Variants in ANK2 observed in about 807,000 individuals in gnomAD.
ANK2 encodes the protein ankyrin 2.
Under a neutral mutation model 360.5 loss-of-function variants are expected in ANK2, and 83 were observed. That is an observed-to-expected ratio of 0.23 (90% CI 0.19 to 0.28). The LOEUF (loss-of-function observed/expected upper bound fraction) is 0.28, where lower values mean the gene tolerates loss of function less well. Among genes scored for constraint, ANK2 ranks in the 10% least tolerant of loss-of-function variants. The probability of loss-of-function intolerance (pLI) is 1.00; values close to 1 mark genes in which losing one functional copy is unlikely to be tolerated. For missense variants in ANK2, 4,201 were observed against 4,795.7 expected (o/e 0.88, Z 3.66); for synonymous variants, 1,740 against 1,759.5 (o/e 0.99, Z 0.28).
intron 4 of ANK2, among the ~76,000 whole-genome samples, chr4:113,220,051 C>G (rs1049029194): frequency 6.6e-6 from 1 of 152,070 alleles, no homozygotes; most frequent in Non-Finnish European, 1.5e-5. Context: ...TGTTTTTTTC[C>G]TCTTTGCTAT....
chr4:112,831,485 A>G (rs543881429), intron 1 of ANK2, among the ~76,000 whole-genome samples: 1 of 152,292 alleles, frequency 6.6e-6, no homozygotes, highest in South Asian at 2.1e-4. Flanking sequence ...TTGTAAACAC[A>G]CCAATCAGCA....
chr4:113,199,683 A>C (rs911776032), intron 4 of ANK2, among the ~76,000 whole-genome samples: 5 of 152,066 alleles, frequency 3.3e-5, no homozygotes, highest in African/African-American at 1.2e-4. Flanking sequence ...AGGGGAGAAA[A>C]TGTTGTTTTG....
chr4:112,884,391 C>G (rs1328657555), intron 1 of ANK2, among the ~76,000 whole-genome samples: 1 of 152,094 alleles, frequency 6.6e-6, no homozygotes, highest in Non-Finnish European at 1.5e-5. Context: ...CACCCATAGA[C>G]AATATGCAAA....
At chr4:113,107,702 T>G (rs1241363760) in intron 1 of ANK2, among the ~76,000 whole-genome samples, 1 of 152,178 alleles carries the variant, frequency 6.6e-6, no homozygotes, top group Non-Finnish European at 1.5e-5. Flanking sequence ...GCTTTTATAT[T>G]CATGTTTTGT....
chr4:113,191,536 G>C (rs752052663), intron 2 of ANK2, among the ~76,000 whole-genome samples: 1 of 152,104 alleles, frequency 6.6e-6, no homozygotes, highest in Non-Finnish European at 1.5e-5. Context: ...ACTTTTGCTA[G>C]CCTACGTAAA....
the ANK2 span, among the ~76,000 whole-genome samples, chr4:112,717,113 A>G: frequency 6.6e-5 from 10 of 152,228 alleles, no homozygotes; most frequent in African/African-American, 2.4e-4. Context: ...TTATCGTAAC[A>G]GTTTTCCTTT....
intron 4 of ANK2, chr4:113,213,955 A>T (rs1183089315): frequency 3.4e-5 from 17 of 496,460 alleles, no homozygotes; most frequent in African/African-American, 2.5e-4. Context: ...TGTTTTATTT[A>T]TTTTTTTTTT....
At chr4:112,964,861 G>A (rs1439690844) in intron 2 of ANK2, among the ~76,000 whole-genome samples, 6 of 152,072 alleles carry the variant, frequency 3.9e-5, no homozygotes, top group Non-Finnish European at 7.4e-5. Context: ...GAGCCACCGC[G>A]CCCGGCCATG....
chr4:113,194,498 C>CA (rs1465029090), intron 2 of ANK2, among the ~76,000 whole-genome samples: 1 of 152,080 alleles, frequency 6.6e-6, no homozygotes, highest in Non-Finnish European at 1.5e-5. Flanking sequence ...TGATTATGAA[C>CA]AAAATGTTAA....
chr4:112,816,663 AC>A (rs2055666380), upstream of ANK2, among the ~76,000 whole-genome samples: 1 of 152,234 alleles, frequency 6.6e-6, no homozygotes, highest in Non-Finnish European at 1.5e-5. Context: ...TTTATAGGAA[AC>A]AGCTAATTAT....
At chr4:113,023,480 A>G (rs2058610486) in intron 2 of ANK2, among the ~76,000 whole-genome samples, 1 of 152,166 alleles carries the variant, frequency 6.6e-6, no homozygotes, top group Non-Finnish European at 1.5e-5. Context: ...TCTGCCTGGA[A>G]TGCTCTATAT....
intron 2 of ANK2, among the ~76,000 whole-genome samples, chr4:112,923,586 G>T (rs1351711849): frequency 6.6e-6 from 1 of 151,928 alleles, no homozygotes; most frequent in Non-Finnish European, 1.5e-5. Context: ...TAGATATTAA[G>T]CAAAAAATTC....
chr4:113,302,869 C>T, intron 23 of ANK2, 30 bp downstream of exon 23: 2 of 1,571,444 alleles, frequency 1.3e-6, no homozygotes, highest in Non-Finnish European at 1.8e-6. Flanking sequence ...TTCTATGACA[C>T]CTGTCATGTT....
At chr4:113,209,753 G>T (rs535822854) in intron 4 of ANK2, among the ~76,000 whole-genome samples, 2 of 152,074 alleles carry the variant, frequency 1.3e-5, no homozygotes, top group South Asian at 2.1e-4. Context: ...GGCCTAAAAG[G>T]TCAGAGTATC....
In ANK2 at chr4:113,050,184, A is replaced by G. The variant is rs564488972; in HGVS notation, c.84+372A>G. ...GTTAAGCAACGTGGATTGTGAAGCA[A>G]AAGGCAGATTTTTGGCCAGATGCGT... On this transcript the variant is annotated intron_variant, in intron 1 of 45. Coordinates refer to ENST00000357077, the MANE Select transcript of ANK2 (RefSeq NM_001148.6). 4.6e-5 allele frequency among the ~76,000 whole-genome samples: 7 copies of G among 152,288 alleles called. No individual in the cohort carries two copies. The East Asian group carries it at 5.8e-4, about 13-fold the overall frequency.
intron 15 of ANK2, among the ~76,000 whole-genome samples, chr4:113,277,194 A>C (rs2060542666): frequency 6.6e-6 from 1 of 152,238 alleles, no homozygotes; most frequent in Non-Finnish European, 1.5e-5. Context: ...TCAGCCCAAC[A>C]TCATGCCAGA....
the ANK2 span, among the ~76,000 whole-genome samples, chr4:112,763,877 C>T: frequency 6.6e-6 from 1 of 152,104 alleles, no homozygotes; most frequent in Non-Finnish European, 1.5e-5. Flanking sequence ...TGTCCTATAT[C>T]TCTCCTTGGA....
chr4:113,139,615 T>C (rs988553059), intron 1 of ANK2, among the ~76,000 whole-genome samples: 13 of 152,192 alleles, frequency 8.5e-5, no homozygotes, highest in Admixed American at 6.5e-4. Context: ...TCCGATGTGA[T>C]AGAACATAGA....
At chr4:113,340,988 C>CT (rs2094226010) in intron 32 of ANK2, among the ~76,000 whole-genome samples, 2 of 152,084 alleles carry the variant, frequency 1.3e-5, no homozygotes, top group Admixed American at 1.3e-4. Flanking sequence ...AGGGATGAAG[C>CT]TTAAAGAGTG....
Sources: gnomAD v4.1 joint callset for allele counts (sites outside exome capture counted in the v4.1 genomes callset) on GRCh38, gnomAD v4.1.1 for gene constraint, MANE v1.5 for transcripts, NCBI Gene and HGNC (gene_info 2026-07-23, HGNC 2026-07-21) for gene names.